KCNK10: variants seen among roughly 807,000 people sequenced by gnomAD.
KCNK10 encodes the protein potassium channel subfamily K member 10.
Under a neutral mutation model 47.7 loss-of-function variants are expected in KCNK10, and 25 were observed. The observed-to-expected ratio is 0.52, with a 90% CI of 0.38 to 0.73. The LOEUF (loss-of-function observed/expected upper bound fraction) is 0.73, where lower values mean the gene tolerates loss of function less well. Among genes scored for constraint, KCNK10 ranks in the 30% least tolerant of loss-of-function variants. The pLI, the probability that KCNK10 is intolerant of heterozygous loss-of-function variation, is 0.00. For missense variants in KCNK10, 563 were observed against 714.5 expected (o/e 0.79, Z 2.42); for synonymous variants, 303 against 285.6 (o/e 1.06, Z -0.61).
At chr14:88,244,685 A>G (rs1203400477) in intron 2 of KCNK10, among the ~76,000 whole-genome samples, 4 of 152,136 alleles carry the variant, frequency 2.6e-5, no homozygotes, top group African/African-American at 7.2e-5. Flanking sequence ...AAAAGAAAAA[A>G]TTACCTGCAT....
chr14:88,182,218 A>T lies in KCNK10; in HGVS notation c.*3317T>A, dbSNP rs1385100056. The T allele has an allele frequency of 2.6e-5, 4 of 152,284 alleles. No individual in the cohort carries two copies. The highest frequency in any genetic ancestry group is 9.7e-5 in the African/African-American group (4 of 41,430). The allele number at this position is 152,284 out of a possible 1,614,324, so 9.4% of individuals were successfully genotyped here. A position where few individuals can be genotyped will look rare whatever the true frequency, so the allele number is the denominator to read the frequency against. ...ACCTCCAGATTTGTCATGCAAGAAA[A>T]ATTCAGTGCCTGCTTGCCAGTGAAG... is the stretch of plus-strand genomic sequence containing the variant. On this transcript the variant is annotated 3_prime_UTR_variant, in exon 7 of 7. Coordinates refer to ENST00000319231, the MANE Select transcript of KCNK10 (RefSeq NM_138317.3).
At chr14:88,252,350 C>G (rs1017726574) in intron 2 of KCNK10, among the ~76,000 whole-genome samples, 3 of 152,078 alleles carry the variant, frequency 2.0e-5, no homozygotes, top group African/African-American at 7.2e-5. Flanking sequence ...CCATTACATC[C>G]CAGCATCTAG....
chr14:88,320,139 T>A (rs1888515228), intron 1 of KCNK10, among the ~76,000 whole-genome samples: 1 of 152,210 alleles, frequency 6.6e-6, no homozygotes, highest in Non-Finnish European at 1.5e-5. Flanking sequence ...ATGATGGCAA[T>A]CAAGTGCCAA....
intron 1 of KCNK10, among the ~76,000 whole-genome samples, chr14:88,275,276 G>A (rs887992050): frequency 2.0e-5 from 3 of 151,476 alleles, no homozygotes; most frequent in Non-Finnish European, 2.9e-5. Flanking sequence ...ACTCTTCCCC[G>A]TGGCCATCAG....
intron 2 of KCNK10, among the ~76,000 whole-genome samples, chr14:88,259,893 C>T (rs1158020530): frequency 6.6e-6 from 1 of 152,192 alleles, no homozygotes; most frequent in African/African-American, 2.4e-5. Flanking sequence ...TTCCCTCTTG[C>T]TGTTCTTGTG....
intron 2 of KCNK10, among the ~76,000 whole-genome samples, chr14:88,244,714 T>C (rs1458729488): frequency 6.6e-6 from 1 of 151,330 alleles, no homozygotes; most frequent in East Asian, 1.9e-4. Context: ...CAGAAGTGAA[T>C]GGAGGGCAGC....
At chr14:88,220,286 G>A (rs1246568248) in intron 4 of KCNK10, among the ~76,000 whole-genome samples, 6 of 149,372 alleles carry the variant, frequency 4.0e-5, no homozygotes, top group Non-Finnish European at 6.0e-5. Context: ...GCGTAGTGGC[G>A]GGCGCCTGTA....
At chr14:88,304,433 C>T (rs1053451008) in intron 1 of KCNK10, among the ~76,000 whole-genome samples, 13 of 152,212 alleles carry the variant, frequency 8.5e-5, no homozygotes, top group African/African-American at 2.2e-4. Flanking sequence ...AATTCTTCTA[C>T]GTGTTAAAAT....
chr14:88,305,210 AG>A, intron 1 of KCNK10, among the ~76,000 whole-genome samples: 1 of 151,838 alleles, frequency 6.6e-6, no homozygotes, highest in African/African-American at 2.4e-5. Flanking sequence ...GAAAAAAAAA[AG>A]AAGAAGAAGA....
At chr14:88,229,970 T>G (rs1469669201) in intron 3 of KCNK10, among the ~76,000 whole-genome samples, 3 of 152,070 alleles carry the variant, frequency 2.0e-5, no homozygotes, top group Non-Finnish European at 4.4e-5. Context: ...CTACACAGAT[T>G]TCTGTTCTGA....
intron 4 of KCNK10, among the ~76,000 whole-genome samples, chr14:88,223,428 TG>T (rs762865682): frequency 6.6e-6 from 1 of 152,018 alleles, no homozygotes; most frequent in Non-Finnish European, 1.5e-5. Context: ...AGCCTCTGTC[TG>T]TATGTTATTT....
At chr14:88,326,453 C>T (rs1888664323), upstream of KCNK10, 2 of 1,613,120 alleles carry the variant, frequency 1.2e-6, no homozygotes, top group Non-Finnish European at 8.5e-7. Context: ...AGAGAAAAAA[C>T]ATCCAAGAAA....
At chr14:88,269,365 A>G (rs1458260631) in intron 1 of KCNK10, among the ~76,000 whole-genome samples, 1 of 152,222 alleles carries the variant, frequency 6.6e-6, no homozygotes, top group Non-Finnish European at 1.5e-5. Flanking sequence ...ACATAAATTA[A>G]TAAGACGCAT....
intron 3 of KCNK10, among the ~76,000 whole-genome samples, chr14:88,233,638 A>G (rs964565301): frequency 1.4e-4 from 21 of 152,226 alleles, no homozygotes; most frequent in African/African-American, 4.8e-4. Context: ...CGGTGTAAGC[A>G]CACACACAAA....
intron 1 of KCNK10, among the ~76,000 whole-genome samples, chr14:88,287,788 T>C (rs545163973): frequency 2.0e-4 from 30 of 152,052 alleles, no homozygotes; most frequent in Admixed American, 1.7e-3. Context: ...ATTTTTGCAA[T>C]TGTGAATTGT....
chr14:88,318,767 T>A (rs918577592), intron 1 of KCNK10, among the ~76,000 whole-genome samples: 3 of 152,184 alleles, frequency 2.0e-5, no homozygotes, highest in African/African-American at 7.2e-5. Context: ...CCTTTCTCCA[T>A]GGAAGGGAAG....
At chr14:88,196,717 G>A (rs749812933) in intron 4 of KCNK10, among the ~76,000 whole-genome samples, 2 of 152,126 alleles carry the variant, frequency 1.3e-5, no homozygotes, top group Admixed American at 6.5e-5. Flanking sequence ...CTCAGTTTAC[G>A]GCTTGGTTTG....
chr14:88,310,205 G>GATATACCACATGATATGGTATATC lies in KCNK10; in HGVS notation c.52+12541_52+12542insGATATACCATATCATGTGGTATAT, dbSNP rs1888292110. On this transcript the variant is annotated intron_variant, in intron 1 of 6. Transcript: ENST00000319231. ...TGATATACCATATCATATGGTATATGATATACCATATCATATGGTATATGA... is the reference window on the plus strand; with the variant it reads ...TGATATACCATATCATATGGTATATGATATACCACATGATATGGTATATCATATACCATATCATATGGTATATGA... Among the ~76,000 whole-genome samples, 3 of 42,358 alleles carry GATATACCACATGATATGGTATATC rather than the reference G, an allele frequency of 7.1e-5. 1 individual carries two copies. The South Asian group carries it at 3.1e-3, about 44-fold the overall frequency. The allele number at this position is 42,358 out of a possible 152,430, so 27.8% of individuals were successfully genotyped here.
intron 2 of KCNK10, among the ~76,000 whole-genome samples, chr14:88,241,758 G>C (rs1426222716): frequency 1.3e-5 from 2 of 152,134 alleles, no homozygotes; most frequent in Non-Finnish European, 2.9e-5. Context: ...TCTTCCAGGA[G>C]ACTTAGTCTA....
Sources: gnomAD v4.1 joint callset for allele counts (sites outside exome capture counted in the v4.1 genomes callset) on GRCh38, gnomAD v4.1.1 for gene constraint, MANE v1.5 for transcripts, NCBI Gene and HGNC (gene_info 2026-07-23, HGNC 2026-07-21) for gene names.